The following PTPN1 variants were observed in gnomAD, a reference collection of about 807,000 sequenced individuals.
The protein encoded by PTPN1 is protein tyrosine phosphatase non-receptor type 1, also known as tyrosine-protein phosphatase non-receptor type 1.
PTPN1 carries 12 observed loss-of-function variants against 59.9 expected under a neutral mutation model. The observed-to-expected ratio is 0.20, with a 90% CI of 0.13 to 0.32. PTPN1 has a LOEUF of 0.32. Among genes scored for constraint, PTPN1 ranks in the 10% least tolerant of loss-of-function variants. The pLI is 1.00. For synonymous variants in PTPN1, 178 were observed against 203.6 expected (o/e 0.87, Z 1.07); for missense variants, 356 against 549.2 (o/e 0.65, Z 3.52).
rs2082877036 is a variant in PTPN1, at chr20:50,583,007, T to A, written c.*292T>A. On this transcript the variant is annotated 3_prime_UTR_variant, in exon 10 of 10. Coordinates refer to ENST00000371621, the MANE Select transcript of PTPN1 (RefSeq NM_002827.4). ...CGCAGAGGGAAGGGGCCTACACCCG[T>A]CTTGGGGCTCGCCCCACCCAGGGCT... 5 of 455,064 alleles carry A rather than the reference T, an allele frequency of 1.1e-5. No homozygotes were observed. Among genetic ancestry groups the A allele is most frequent in the East Asian group, 3.4e-5 (1 of 29,216 alleles). The allele number at this position is 455,064 out of a possible 1,614,324, so 28.2% of individuals were successfully genotyped here.
At chr20:50,534,017 G>C (rs912226620) in intron 1 of PTPN1, among the ~76,000 whole-genome samples, 1 of 152,032 alleles carries the variant, frequency 6.6e-6, no homozygotes, top group Non-Finnish European at 1.5e-5. Flanking sequence ...TGCAACCTCC[G>C]CCTCCCGAGT....
intron 1 of PTPN1, among the ~76,000 whole-genome samples, chr20:50,531,463 G>A (rs369994683): frequency 2.4e-3 from 358 of 152,080 alleles, no homozygotes; most frequent in African/African-American, 8.3e-3. Flanking sequence ...TGCAACCTCC[G>A]CCTCCCGAGT....
intron 1 of PTPN1, among the ~76,000 whole-genome samples, chr20:50,527,057 C>T (rs968260805): frequency 2.0e-5 from 3 of 152,290 alleles, no homozygotes; most frequent in South Asian, 2.1e-4. Flanking sequence ...CTAGAGTCTG[C>T]GCTCCTGACC....
At chr20:50,538,454 T>C (rs1270302101) in intron 1 of PTPN1, among the ~76,000 whole-genome samples, 1 of 152,198 alleles carries the variant, frequency 6.6e-6, no homozygotes, top group African/African-American at 2.4e-5. Context: ...TAGGTGTGAC[T>C]GTCAGAGTGA....
At chr20:50,533,883 T>A (rs1568779201) in intron 1 of PTPN1, among the ~76,000 whole-genome samples, 1 of 152,120 alleles carries the variant, frequency 6.6e-6, no homozygotes. Context: ...CCTTAATAGT[T>A]ATGAGCACAG....
chr20:50,579,039 A>C, intron 6 of PTPN1, 129 bp from the exon 7 acceptor site: 1 of 1,106,892 alleles, frequency 9.0e-7, no homozygotes, highest in Non-Finnish European at 1.3e-6. Flanking sequence ...CCTCCCACCC[A>C]GCCCCACCTC....
Position 50,568,829 on chromosome 20 carries a change from C to A in PTPN1, c.354+351C>A, listed in dbSNP as rs909211348. ...CTGCTTTTATCTTGAAAAGCAAGTT[C>A]TTAGTGCATCTTCATGGTGTCTGAT... On this transcript the variant is annotated intron_variant, in intron 4 of 9. Transcript: ENST00000371621. This position sits in a 1 kb window ranked among gnomAD's most constrained non-coding sequence, Gnocchi z 5.6. 1.3e-5 allele frequency among the ~76,000 whole-genome samples: 2 copies of A among 152,132 alleles called. No homozygotes were observed. Among genetic ancestry groups the A allele is most frequent in the African/African-American group, 4.8e-5 (2 of 41,408 alleles).
At chr20:50,564,311 G>C (rs1487935406) in intron 2 of PTPN1, among the ~76,000 whole-genome samples, 2 of 152,174 alleles carry the variant, frequency 1.3e-5, no homozygotes, top group Non-Finnish European at 2.9e-5. Context: ...GTTTATGTCA[G>C]CCAGGCATGG....
chr20:50,510,972 C>T (rs770713100), intron 1 of PTPN1, among the ~76,000 whole-genome samples: 1 of 152,094 alleles, frequency 6.6e-6, no homozygotes, highest in Non-Finnish European at 1.5e-5. Flanking sequence ...GAGTGGACCA[C>T]CTCAGACTCT....
Position 50,581,379 on chromosome 20 carries a change from T to C in PTPN1, c.1203T>C (p.His401=), listed in dbSNP as rs2082867761. Residue 401 remains histidine, a synonymous_variant, in exon 9 of 10, where the codon CAT becomes CAC. Coordinates refer to ENST00000371621, the MANE Select transcript of PTPN1 (RefSeq NM_002827.4). ...CACTGCCCGAGAAGGACGAGGACCA[T>C]GCACTGAGTTACTGGAAGCCCTTCC... The part of the protein sequence containing the change: ...EPSLPEKDED[H]ALSYWKPFLV... The C allele has an allele frequency of 6.2e-7, 1 of 1,614,088 alleles. No homozygotes were observed. Among genetic ancestry groups the C allele is most frequent in the Non-Finnish European group, 8.5e-7 (1 of 1,179,932 alleles).
chr20:50,545,450 G>C (rs559759435), intron 1 of PTPN1, among the ~76,000 whole-genome samples: 6 of 152,188 alleles, frequency 3.9e-5, no homozygotes, highest in African/African-American at 1.4e-4. Flanking sequence ...AATCTTTGCT[G>C]TTTATTCAGC....
intron 2 of PTPN1, among the ~76,000 whole-genome samples, chr20:50,562,520 G>GCTAT (rs1251764213): frequency 1.3e-5 from 2 of 152,212 alleles, no homozygotes; most frequent in Non-Finnish European, 2.9e-5. Flanking sequence ...CTCTCTCATA[G>GCTAT]GAGTGTGTGA....
At chr20:50,542,834 G>A (rs1393394046) in intron 1 of PTPN1, among the ~76,000 whole-genome samples, 3 of 152,082 alleles carry the variant, frequency 2.0e-5, no homozygotes, top group South Asian at 4.1e-4. Context: ...TATGTATTCC[G>A]TTCTAAGAAG....
At chr20:50,561,870 C>G (rs1162699883) in intron 2 of PTPN1, among the ~76,000 whole-genome samples, 1 of 152,164 alleles carries the variant, frequency 6.6e-6, no homozygotes, top group Non-Finnish European at 1.5e-5. Context: ...TCGTCCCCTG[C>G]GCTGAATATG....
At chr20:50,548,666 G>A (rs965373391) in intron 1 of PTPN1, among the ~76,000 whole-genome samples, 7 of 151,926 alleles carry the variant, frequency 4.6e-5, no homozygotes, top group East Asian at 1.9e-4. Flanking sequence ...TTGGCCTCCT[G>A]AAGTGCTGAG....
intron 1 of PTPN1, among the ~76,000 whole-genome samples, chr20:50,516,646 G>A (rs1333939316): frequency 6.6e-6 from 1 of 152,200 alleles, no homozygotes; most frequent in Non-Finnish European, 1.5e-5. Context: ...CGAGGGGCAT[G>A]AAATGTTTTT....
intron 4 of PTPN1, chr20:50,573,893 A>C (rs1188317297): frequency 2.0e-5 from 3 of 152,276 alleles, no homozygotes; most frequent in African/African-American, 7.2e-5. Context: ...ATTTAAACTG[A>C]GAACATCAGA....
At chr20:50,560,047 T>G (rs975232326) in intron 1 of PTPN1, among the ~76,000 whole-genome samples, 10 of 152,248 alleles carry the variant, frequency 6.6e-5, no homozygotes, top group Non-Finnish European at 1.3e-4. Flanking sequence ...CTGCCAGTTG[T>G]GCATTCTGAG....
At chr20:50,513,471 C>A (rs1395007025) in intron 1 of PTPN1, among the ~76,000 whole-genome samples, 1 of 152,058 alleles carries the variant, frequency 6.6e-6, no homozygotes, top group East Asian at 1.9e-4. Context: ...GGGGTTGGGT[C>A]CGGTGTTTTG....
Sources: gnomAD v4.1 joint callset for allele counts (sites outside exome capture counted in the v4.1 genomes callset) on GRCh38, gnomAD v4.1.1 for gene constraint, Gnocchi (gnomAD v3.1) non-coding constraint, MANE v1.5 for transcripts, NCBI Gene and HGNC (gene_info 2026-07-23, HGNC 2026-07-21) for gene names.